Variants in UBE2L3 observed in about 807,000 individuals in gnomAD.
The protein encoded by UBE2L3 is ubiquitin-conjugating enzyme E2 L3.
In UBE2L3, 1 loss-of-function variant was observed where a neutral mutation model predicts 17.8. The ratio of observed to expected loss-of-function variants is 0.06; its 90% confidence interval spans 0.02 to 0.27. The LOEUF (loss-of-function observed/expected upper bound fraction) is 0.27, where lower values mean the gene tolerates loss of function less well. UBE2L3 is among the 10% of genes least tolerant of loss of function. The probability of loss-of-function intolerance (pLI) is 1.00; values close to 1 mark genes in which losing one functional copy is unlikely to be tolerated. For synonymous variants in UBE2L3, 44 were observed against 68.5 expected (o/e 0.64, Z 1.76); for missense variants, 40 against 192.6 (o/e 0.21, Z 4.69).
intron 1 of UBE2L3, among the ~76,000 whole-genome samples, chr22:21,558,531 T>C (rs1926319055): frequency 6.7e-6 from 1 of 148,268 alleles, no homozygotes; most frequent in Admixed American, 6.9e-5. Flanking sequence ...CTTGGGAGGC[T>C]GAGGGAGGAG....
intron 1 of UBE2L3, among the ~76,000 whole-genome samples, chr22:21,585,798 C>G (rs1927903779): frequency 6.6e-6 from 1 of 152,146 alleles, no homozygotes; most frequent in African/African-American, 2.4e-5. Flanking sequence ...ATTCTGCACA[C>G]TGCTCATTTG....
Position 21,623,592 on chromosome 22 carries a change from C to T in UBE2L3, c.*1923C>T, listed in dbSNP as rs907305116. ...TTTCTGCCAACGTAGCTCTGCCTGC[C>T]TGTCAACCCCTCACTGCACTCTGCT... On this transcript the variant is annotated 3_prime_UTR_variant, in exon 4 of 4. Transcript: ENST00000342192. 1.3e-5 allele frequency: 2 copies of T among 152,826 alleles called. No individual in the cohort carries two copies. Among genetic ancestry groups the T allele is most frequent in the Admixed American group, 1.3e-4 (2 of 15,274 alleles). The allele number at this position is 152,826 out of a possible 1,614,324, so 9.5% of individuals were successfully genotyped here. A position where few individuals can be genotyped will look rare whatever the true frequency, so the allele number is the denominator to read the frequency against.
rs1930130648 is a variant in UBE2L3 at position 21,623,107 on chromosome 22, T to C, written c.*1438T>C. 6.6e-6 allele frequency: 1 copy of C among 152,188 alleles called. No individual in the cohort carries two copies. Among genetic ancestry groups the C allele is most frequent in the African/African-American group, 2.4e-5 (1 of 41,410 alleles). 9.4% of individuals were successfully genotyped at this position (152,188 alleles called of 1,614,324 possible). On this transcript the variant is annotated 3_prime_UTR_variant, in exon 4 of 4. Coordinates refer to ENST00000342192, the MANE Select transcript of UBE2L3 (RefSeq NM_003347.4). ...ACTGGCGGCTTCCCTTCTTGGCTCT[T>C]GGGGGGGACTAGATCCTGTGGAGAA...
At chr22:21,574,500 T>G (rs1927156035) in intron 1 of UBE2L3, among the ~76,000 whole-genome samples, 1 of 151,672 alleles carries the variant, frequency 6.6e-6, no homozygotes, top group African/African-American at 2.4e-5. Context: ...GAGGGGAGGA[T>G]TTGGAGGAGT....
At chr22:21,598,945 A>G (rs940131509) in intron 2 of UBE2L3, among the ~76,000 whole-genome samples, 11 of 151,494 alleles carry the variant, frequency 7.3e-5, no homozygotes, top group Non-Finnish European at 4.4e-5. Context: ...GGTTCAAGCA[A>G]TCTTTTGCCT....
intron 2 of UBE2L3, among the ~76,000 whole-genome samples, chr22:21,598,152 A>G (rs1439916312): frequency 6.8e-6 from 1 of 146,162 alleles, no homozygotes; most frequent in African/African-American, 2.5e-5. Flanking sequence ...GTCTAGCTAA[A>G]GTTTTTTCAA....
chr22:21,600,364 C>T (rs117491920), intron 2 of UBE2L3, among the ~76,000 whole-genome samples: 1 of 151,868 alleles, frequency 6.6e-6, no homozygotes, highest in East Asian at 2.0e-4. Context: ...CTACTATTTA[C>T]TTCCAAAGGG....
rs1210643643 is a variant in UBE2L3 at position 21,619,148 on chromosome 22, G to A, written c.311-2367G>A. 2.0e-5 allele frequency among the ~76,000 whole-genome samples: 3 copies of A among 152,188 alleles called. No individual in the cohort carries two copies. In the East Asian group the frequency reaches 5.8e-4, roughly 29 times the overall value. Reference sequence around the variant, plus strand: ...CCAGCCCTGAAGTCAAGAACAGCCAGGAAAAGGGAGCAGTCTCACACCGAG... The same window carrying A: ...CCAGCCCTGAAGTCAAGAACAGCCAAGAAAAGGGAGCAGTCTCACACCGAG... On this transcript the variant is annotated intron_variant, in intron 3 of 3. Transcript: ENST00000342192.
At chr22:21,575,565 G>T (rs1041970084) in intron 1 of UBE2L3, among the ~76,000 whole-genome samples, 3 of 148,426 alleles carry the variant, frequency 2.0e-5, no homozygotes, top group Admixed American at 6.8e-5. Context: ...CTCCAGCCTG[G>T]GTGATAGAGC....
chr22:21,566,098 G>C (rs60801745), upstream of UBE2L3, among the ~76,000 whole-genome samples: 1 of 151,288 alleles, frequency 6.6e-6, no homozygotes, highest in Non-Finnish European at 1.5e-5. Flanking sequence ...TCAGCATCCA[G>C]AGTAGCTGGG....
In UBE2L3 at chr22:21,619,710, G is replaced by A. The variant is rs187825811; in HGVS notation, c.311-1805G>A. ...CATTTTGTTTTATTTATTTACTTTT[G>A]AGACAGAGTCTCGCTCTGTTGCCCA... is the stretch of plus-strand genomic sequence containing the variant. On this transcript the variant is annotated intron_variant, in intron 3 of 3. Coordinates refer to ENST00000342192, the MANE Select transcript of UBE2L3 (RefSeq NM_003347.4). 4.6e-5 allele frequency among the ~76,000 whole-genome samples: 7 copies of A among 152,276 alleles called. 1 individual carries two copies. The South Asian group carries it at 6.2e-4, about 14-fold the overall frequency.
intron 2 of UBE2L3, among the ~76,000 whole-genome samples, chr22:21,595,361 C>A (rs551082449): frequency 6.6e-6 from 1 of 152,362 alleles, no homozygotes; most frequent in South Asian, 2.1e-4. Flanking sequence ...ACACTTGTAC[C>A]CCAACCTGGG....
chr22:21,611,551 A>T (rs1929480874), intron 3 of UBE2L3, among the ~76,000 whole-genome samples: 1 of 152,212 alleles, frequency 6.6e-6, no homozygotes, highest in African/African-American at 2.4e-5. Context: ...TAAGGGCAGT[A>T]TTCCCAGATG....
intron 2 of UBE2L3, among the ~76,000 whole-genome samples, chr22:21,604,888 C>T (rs1929065823): frequency 6.6e-6 from 1 of 152,204 alleles, no homozygotes. Context: ...GCCAAGTTCC[C>T]TGGGTGGTGA....
intron 1 of UBE2L3, among the ~76,000 whole-genome samples, chr22:21,587,471 G>A (rs575927739): frequency 5.9e-5 from 9 of 152,292 alleles, no homozygotes; most frequent in East Asian, 1.9e-4. Context: ...GAGCCACCGC[G>A]CCTCGCCTAG....
chr22:21,620,777 G>C (rs1304397782), intron 3 of UBE2L3, among the ~76,000 whole-genome samples: 5 of 152,196 alleles, frequency 3.3e-5, no homozygotes. Context: ...GGGTCTTCCA[G>C]AGTTGGGTCA....
At chr22:21,575,887 C>G (rs1016778906) in intron 1 of UBE2L3, among the ~76,000 whole-genome samples, 2 of 151,842 alleles carry the variant, frequency 1.3e-5, no homozygotes, top group African/African-American at 4.8e-5. Flanking sequence ...GGCGATCCAC[C>G]CACCTTAGCC....
At chr22:21,619,031 G>A (rs1400253588) in intron 3 of UBE2L3, among the ~76,000 whole-genome samples, 3 of 152,114 alleles carry the variant, frequency 2.0e-5, no homozygotes, top group Non-Finnish European at 4.4e-5. Context: ...ATGCTAATGC[G>A]GTAGTAATTC....
rs1265685548 is a variant in UBE2L3 at position 21,623,428 on chromosome 22, G to A, written c.*1759G>A. 1 of 152,696 alleles carries A rather than the reference G, an allele frequency of 6.5e-6. No homozygotes were observed. The highest frequency in any genetic ancestry group is 1.5e-5 in the Non-Finnish European group (1 of 68,024). 9.5% of individuals were successfully genotyped at this position (152,696 alleles called of 1,614,324 possible). ...TCTTCATTAGCAGAAAAGTGATGAT[G>A]GATTTTATTTCACTCACACTCCAGT... On this transcript the variant is annotated 3_prime_UTR_variant, in exon 4 of 4. Transcript: ENST00000342192.
Sources: allele counts gnomAD v4.1 joint callset (sites outside exome capture counted in the v4.1 genomes callset), GRCh38; gene constraint gnomAD v4.1.1; transcripts MANE v1.5; gene names NCBI Gene and HGNC (gene_info 2026-07-23, HGNC 2026-07-21).